The following ITGB5 variants were observed in gnomAD, a reference collection of about 807,000 sequenced individuals.
ITGB5 encodes integrin beta-5.
In ITGB5, 38 loss-of-function variants were observed where a neutral mutation model predicts 84.8. The observed-to-expected ratio is 0.45, with a 90% CI of 0.35 to 0.59. The LOEUF (loss-of-function observed/expected upper bound fraction) is 0.59, where lower values mean the gene tolerates loss of function less well. ITGB5 is among the 20% of genes least tolerant of loss of function. The pLI is 0.01. For synonymous variants in ITGB5, 393 were observed against 414.4 expected, an observed-to-expected ratio of 0.95 and a Z score of 0.63; for missense variants, 905 against 1,034.5, an observed-to-expected ratio of 0.87 and a Z score of 1.72.
chr3:124,867,957 A>T (rs2065417208), intron 2 of ITGB5, among the ~76,000 whole-genome samples: 2 of 152,200 alleles, frequency 1.3e-5, no homozygotes, highest in African/African-American at 4.8e-5. Context: ...CAAGGGAGAA[A>T]CCAAGTGGAG....
At chr3:124,847,225 C>T (rs1230763920) in intron 4 of ITGB5, among the ~76,000 whole-genome samples, 1 of 152,168 alleles carries the variant, frequency 6.6e-6, no homozygotes, top group Admixed American at 6.5e-5. Flanking sequence ...CAAACCCTCA[C>T]TAAAGTTAAA....
At chr3:124,784,684 C>T (rs2064055290) in intron 10 of ITGB5, among the ~76,000 whole-genome samples, 1 of 152,212 alleles carries the variant, frequency 6.6e-6, no homozygotes, top group African/African-American at 2.4e-5. Context: ...CCTGAGAATG[C>T]TGATTCAGAA....
At chr3:124,798,729 G>A (rs2064271688) in intron 9 of ITGB5, among the ~76,000 whole-genome samples, 1 of 152,186 alleles carries the variant, frequency 6.6e-6, no homozygotes, top group South Asian at 2.1e-4. Flanking sequence ...CCCGGCCCAC[G>A]ATGTTCATTT....
At chr3:124,772,898 T>TCTCTCCA (rs1471423153) in intron 11 of ITGB5, among the ~76,000 whole-genome samples, 1 of 151,216 alleles carries the variant, frequency 6.6e-6, no homozygotes, top group Admixed American at 6.6e-5. Flanking sequence ...CGGGTGCCTT[T>TCTCTCCA]CTCTCCAATT....
chr3:124,896,545 T>C (rs1935104042), intron 1 of ITGB5, among the ~76,000 whole-genome samples: 1 of 151,918 alleles, frequency 6.6e-6, no homozygotes, highest in South Asian at 2.1e-4. Context: ...GCCCAGGAGC[T>C]TGAAACAGAC....
At chr3:124,841,635 T>C in intron 4 of ITGB5, 84 bp from the exon 5 acceptor site, 1 of 1,343,554 alleles carries the variant, frequency 7.4e-7, no homozygotes, top group African/African-American at 1.4e-5. Context: ...CTGAGTGCCT[T>C]GAGAGGCACC....
chr3:124,826,056 TA>T (rs548731816), intron 5 of ITGB5, among the ~76,000 whole-genome samples: 3 of 152,328 alleles, frequency 2.0e-5, no homozygotes, highest in Admixed American at 1.3e-4. Context: ...GCACTATAGT[TA>T]TAGTGTGATT....
At chr3:124,818,169 C>G (rs1191446394) in intron 7 of ITGB5, among the ~76,000 whole-genome samples, 1 of 152,070 alleles carries the variant, frequency 6.6e-6, no homozygotes, top group Non-Finnish European at 1.5e-5. Context: ...AGTATAGACC[C>G]TTTCTTTAAT....
Position 124,766,281 on chromosome 3 carries a change from G to A in ITGB5, c.2082C>T (p.Phe694=), listed in dbSNP as rs759236314. The change falls in exon 13 of 15, where the codon TTC becomes TTT. Residue 694 remains phenylalanine, a synonymous_variant. Transcript: ENST00000296181. Reference sequence around the variant, plus strand: ...TCCCACTGGGGAGCTCCACATAGGTGAACATCATGACGCAGTCCTTGGCGG... The same window carrying A: ...TCCCACTGGGGAGCTCCACATAGGTAAACATCATGACGCAGTCCTTGGCGG... ...YKTAKDCVMM[F]TYVELPSGKS... is the part of the protein sequence containing the mutation. The A allele has an allele frequency of 3.7e-6, 6 of 1,614,032 alleles. No individual in the cohort carries two copies. Among genetic ancestry groups the A allele is most frequent in the African/African-American group, 1.3e-5 (1 of 74,930 alleles).
chr3:124,844,205 CAAAAAAAAAAAAAA>C (rs58956636), intron 4 of ITGB5, among the ~76,000 whole-genome samples: 3,287 of 86,180 alleles, frequency 0.038, 67 homozygotes, highest in Middle Eastern at 0.077. Context: ...TTGGTTTTGG[CAAAAAAAAAAAAAA>C]AAAAAAAAAA....
At position 124,886,912 on chromosome 3, in the gene ITGB5, C is replaced by T. The variant is rs1351910313; in HGVS notation, c.70+19G>A. On this transcript the variant is annotated intron_variant, in intron 1 of 14. Coordinates refer to ENST00000296181, the MANE Select transcript of ITGB5 (RefSeq NM_002213.5). ...TGTGCGACAAAGTTTCTCTGGGCGC[C>T]GTGGGCGGCGCGGCTTACCTGCGAG... The T allele has an allele frequency of 2.5e-6, 3 of 1,209,172 alleles. No homozygotes were observed. The highest frequency in any genetic ancestry group is 1.6e-5 in the African/African-American group (1 of 63,480). 74.9% of individuals were successfully genotyped at this position (1,209,172 alleles called of 1,614,324 possible).
At position 124,773,827 on chromosome 3, in the gene ITGB5, T is replaced by C. The variant is rs201914359; in HGVS notation, c.1779A>G (p.Thr593=). The C allele has an allele frequency of 3.1e-6, 5 of 1,614,154 alleles. No homozygotes were observed. The highest frequency in any genetic ancestry group is 2.2e-5 in the East Asian group (1 of 44,888). ...DNCNCSTDIS[T]CRGRDGQICS... ...AGATCTGGCCATCTCTGCCCCGGCATGTGCTGATGTCTGTCGAGCAGTTAC... is the reference window on the plus strand; with the variant it reads ...AGATCTGGCCATCTCTGCCCCGGCACGTGCTGATGTCTGTCGAGCAGTTAC... Residue 593 remains threonine, a synonymous_variant, in exon 11 of 15, where the codon ACA becomes ACG. Coordinates refer to ENST00000296181, the MANE Select transcript of ITGB5 (RefSeq NM_002213.5).
chr3:124,799,832 C>T (rs184799121), intron 9 of ITGB5, among the ~76,000 whole-genome samples: 43 of 152,252 alleles, frequency 2.8e-4, no homozygotes, highest in Middle Eastern at 6.8e-3. Flanking sequence ...TCTACCTCAT[C>T]GGGGTGCGCA....
intron 13 of ITGB5, 50 bp from the exon 14 acceptor site, chr3:124,764,607 CCT>C (rs769711466): frequency 8.9e-4 from 1,379 of 1,553,568 alleles, no homozygotes; most frequent in Non-Finnish European, 1.1e-3. Context: ...TCACCATGCC[CCT>C]CTCACGCAAC....
At chr3:124,849,082 G>C (rs1042970911) in intron 3 of ITGB5, among the ~76,000 whole-genome samples, 9 of 152,048 alleles carry the variant, frequency 5.9e-5, no homozygotes, top group African/African-American at 1.9e-4. Flanking sequence ...GCCTGGCCTG[G>C]GCTTAGCATT....
In ITGB5 at chr3:124,874,617, A is replaced by T. The variant is rs533470908; in HGVS notation, c.71-1086T>A. On this transcript the variant is annotated intron_variant, in intron 1 of 14. Coordinates refer to ENST00000296181, the MANE Select transcript of ITGB5 (RefSeq NM_002213.5). The stretch of plus-strand genomic sequence containing the variant: ...TGATTTCAAAATATACTACAAAGCA[A>T]CTGTAATTAAAACAGCACAGTACTG... 2.6e-5 allele frequency among the ~76,000 whole-genome samples: 4 copies of T among 152,362 alleles called. No individual in the cohort carries two copies. In the South Asian group the frequency reaches 8.3e-4, roughly 32 times the overall value.
intron 5 of ITGB5, among the ~76,000 whole-genome samples, chr3:124,828,110 G>A (rs1052518472): frequency 3.3e-5 from 5 of 152,106 alleles, no homozygotes; most frequent in Non-Finnish European, 7.3e-5. Flanking sequence ...AGGGACGTGC[G>A]TGAAACTTTG....
intron 1 of ITGB5, among the ~76,000 whole-genome samples, chr3:124,879,633 A>C (rs533046548): frequency 6.6e-6 from 1 of 152,362 alleles, no homozygotes; most frequent in South Asian, 2.1e-4. Context: ...TTCTATTTTT[A>C]AAACACCAAT....
At chr3:124,837,987 C>T (rs2064959333) in intron 5 of ITGB5, among the ~76,000 whole-genome samples, 1 of 152,100 alleles carries the variant, frequency 6.6e-6, no homozygotes, top group African/African-American at 2.4e-5. Flanking sequence ...AGTGGAAGGG[C>T]CTTTAATCTG....
Sources: allele counts gnomAD v4.1 joint callset (sites outside exome capture counted in the v4.1 genomes callset), GRCh38; gene constraint gnomAD v4.1.1; transcripts MANE v1.5; gene names NCBI Gene and HGNC (gene_info 2026-07-23, HGNC 2026-07-21).